CFAP46: variants seen among roughly 807,000 people sequenced by gnomAD.
CFAP46 encodes the protein cilia and flagella associated protein 46, also known as cilia- and flagella-associated protein 46.
A neutral mutation model predicts 325.7 loss-of-function variants in CFAP46; 245 were observed. That is an observed-to-expected ratio of 0.75 (90% CI 0.68 to 0.84). The LOEUF (loss-of-function observed/expected upper bound fraction) is 0.84. Among genes scored for constraint, CFAP46 ranks in the 40% least tolerant of loss-of-function variants. CFAP46 has a pLI of 0.00. For synonymous variants in CFAP46, 1,523 were observed against 1,495.9 expected (o/e 1.02, Z -0.42); for missense variants, 3,346 against 3,543.0 (o/e 0.94, Z 1.41).
At chr10:132,834,839 G>C in intron 47 of CFAP46, 64 bp from the exon 48 acceptor site, 1 of 1,545,320 alleles carries the variant, frequency 6.5e-7, no homozygotes, top group Middle Eastern at 2.3e-4. Context: ...CCCCGCGAGG[G>C]CCAGGCCCCT....
chr10:132,841,239 G>A (rs1327648718), intron 44 of CFAP46, among the ~76,000 whole-genome samples: 4 of 152,216 alleles, frequency 2.6e-5, no homozygotes, highest in Non-Finnish European at 5.9e-5. Flanking sequence ...CTCTACTTCC[G>A]ACATACAGCG....
chr10:132,818,132 C>A (rs928359998), intron 50 of CFAP46, among the ~76,000 whole-genome samples: 1 of 152,202 alleles, frequency 6.6e-6, no homozygotes, highest in Admixed American at 6.5e-5. Flanking sequence ...CCAACCACAC[C>A]GTTGCTGGAG....
At position 132,848,491 on chromosome 10, in the gene CFAP46, A is replaced by C. The variant is rs941727087; in HGVS notation, c.5953-1170T>G. Among the ~76,000 whole-genome samples, 6 of 151,798 alleles carry C rather than the reference A, an allele frequency of 4.0e-5. No homozygotes were observed. In the East Asian group the frequency reaches 1.2e-3, roughly 29 times the overall value. On this transcript the variant is annotated intron_variant, in intron 41 of 57. Transcript: ENST00000368586. Reference sequence around the variant, plus strand: ...CCAGGTCATCAGCCGGCTGCCAGGGAAAGTTTCCTCCCCTTTTCAGGCATG... The same window carrying C: ...CCAGGTCATCAGCCGGCTGCCAGGGCAAGTTTCCTCCCCTTTTCAGGCATG...
intron 18 of CFAP46, 41 bp downstream of exon 18, chr10:132,913,005 G>C: frequency 6.5e-7 from 1 of 1,540,922 alleles, no homozygotes; most frequent in South Asian, 1.2e-5. Flanking sequence ...CCCAAGGGAA[G>C]AAGCCCCTCC....
chr10:132,824,948 C>A (rs1848009997), intron 50 of CFAP46, among the ~76,000 whole-genome samples: 2 of 128,844 alleles, frequency 1.6e-5, no homozygotes, highest in South Asian at 5.2e-4. Flanking sequence ...TGTGTGTGTG[C>A]TGATGTGTGC....
At position 132,877,089 on chromosome 10, in the gene CFAP46, C is replaced by T; in HGVS notation, c.4213-128G>A. 1 of 887,482 alleles carries T rather than the reference C, an allele frequency of 1.1e-6. No homozygotes were observed. Among genetic ancestry groups the T allele is most frequent in the African/African-American group, 1.7e-5 (1 of 59,060 alleles). 55.0% of individuals were successfully genotyped at this position (887,482 alleles called of 1,614,324 possible). Reference sequence around the variant, plus strand: ...GGGCAGCCGGCATCCTCCCCACCACCAGGTCCCAGCGAGTGCCCAGATCCA... The same window carrying T: ...GGGCAGCCGGCATCCTCCCCACCACTAGGTCCCAGCGAGTGCCCAGATCCA... On this transcript the variant is annotated intron_variant, in intron 30 of 57. Coordinates refer to ENST00000368586, the MANE Select transcript of CFAP46 (RefSeq NM_001200049.3). The surrounding 1 kb of genome is among the most constrained non-coding windows in gnomAD (Gnocchi z 5.7).
chr10:132,862,374 G>A (rs185447200), intron 35 of CFAP46, among the ~76,000 whole-genome samples: 2,495 of 151,550 alleles, frequency 0.016, 29 homozygotes, highest in African/African-American at 0.021. Context: ...GGAGGAGGGT[G>A]CGGAGGTGGG....
At chr10:132,885,410 G>A in intron 26 of CFAP46, 124 bp from the exon 27 acceptor site, 2 of 998,136 alleles carry the variant, frequency 2.0e-6, no homozygotes, top group South Asian at 1.8e-5. Flanking sequence ...GCAGAGCCCA[G>A]GTGAGCGGGG....
At chr10:132,865,152 T>G (rs1848795082) in intron 35 of CFAP46, among the ~76,000 whole-genome samples, 1 of 152,198 alleles carries the variant, frequency 6.6e-6, no homozygotes, top group Non-Finnish European at 1.5e-5. Flanking sequence ...TGAAAGCAAC[T>G]CTAAAATCTG....
chr10:132,921,209 G>A (rs942103095), intron 13 of CFAP46, among the ~76,000 whole-genome samples: 3 of 152,198 alleles, frequency 2.0e-5, no homozygotes, highest in South Asian at 4.1e-4. Context: ...GGTGAAAGCC[G>A]CCGGCTGCTG....
At chr10:132,848,931 CG>C (rs147692461) in intron 41 of CFAP46, among the ~76,000 whole-genome samples, 4,390 of 152,198 alleles carry the variant, frequency 0.029, 90 homozygotes, top group Non-Finnish European at 0.045. Flanking sequence ...GAGACTAAAA[CG>C]GGGGTTAGAG....
At chr10:132,837,094 C>T (rs1355533681) in intron 44 of CFAP46, 180 bp from the exon 45 acceptor site, 1 of 552,610 alleles carries the variant, frequency 1.8e-6, no homozygotes, top group Non-Finnish European at 3.2e-6. Flanking sequence ...GGGCTGCCAC[C>T]AGGGGGCAGC....
At chr10:132,932,930 A>C (rs1275210858) in intron 8 of CFAP46, among the ~76,000 whole-genome samples, 1 of 152,210 alleles carries the variant, frequency 6.6e-6, no homozygotes, top group Non-Finnish European at 1.5e-5. Context: ...GAGCCTGTCC[A>C]TTGTGTCCCT....
intron 28 of CFAP46, 78 bp from the exon 29 acceptor site, chr10:132,879,709 C>G (rs745561544): frequency 2.9e-6 from 4 of 1,391,502 alleles, no homozygotes; most frequent in African/African-American, 1.5e-5. Context: ...CTTCCCTGCC[C>G]GAGGCTGTGG....
At chr10:132,927,571 G>C (rs540526814) in intron 9 of CFAP46, among the ~76,000 whole-genome samples, 43 of 152,350 alleles carry the variant, frequency 2.8e-4, no homozygotes, top group African/African-American at 1.0e-3. Context: ...GGCCTGTCCA[G>C]CGGCTGCAAG....
rs772489270 is a variant in CFAP46 at position 132,898,992 on chromosome 10, G to T, written c.3186C>A (p.Ile1062=). 1.9e-6 allele frequency: 3 copies of T among 1,550,436 alleles called. No individual in the cohort carries two copies. ...KKAKGALKRL[I]GIINKTEARK... is the part of the protein sequence containing the mutation. ...TGGCCTCTGTCTTGTTGATGATGCC[G>T]ATGAGCCTCTTCAGGGCACCCTTGG... Residue 1062 remains isoleucine, a synonymous_variant, in exon 24 of 58, where the codon ATC becomes ATA. Coordinates refer to ENST00000368586, the MANE Select transcript of CFAP46 (RefSeq NM_001200049.3).
chr10:132,930,543 A>C (rs549693447), intron 8 of CFAP46, among the ~76,000 whole-genome samples: 11 of 76,454 alleles, frequency 1.4e-4, no homozygotes, highest in African/African-American at 3.3e-4. Context: ...CCTTCCCCAC[A>C]CTCCGCACAC....
intron 20 of CFAP46, among the ~76,000 whole-genome samples, 196 bp from the exon 21 acceptor site, chr10:132,909,440 C>A (rs117010983): frequency 6.6e-6 from 1 of 152,244 alleles, no homozygotes; most frequent in African/African-American, 2.4e-5. Context: ...GCCCCAAGTC[C>A]GTGCGGCCCC....
At chr10:132,822,811 G>T (rs1442096573) in intron 50 of CFAP46, among the ~76,000 whole-genome samples, 5 of 136,578 alleles carry the variant, frequency 3.7e-5, no homozygotes, top group African/African-American at 1.4e-4. Context: ...GCTGATGTGT[G>T]CTGTGTGCTG....
Sources: gnomAD v4.1 joint callset for allele counts (sites outside exome capture counted in the v4.1 genomes callset) on GRCh38, gnomAD v4.1.1 for gene constraint, Gnocchi (gnomAD v3.1) non-coding constraint, MANE v1.5 for transcripts, NCBI Gene and HGNC (gene_info 2026-07-23, HGNC 2026-07-21) for gene names.